The following MEF2B variants were observed in gnomAD, a reference collection of about 807,000 sequenced individuals.
MEF2B encodes the protein myocyte enhancer factor 2B.
In MEF2B, 15 loss-of-function variants were observed where a neutral mutation model predicts 32.2. The observed-to-expected ratio is 0.47, with a 90% CI of 0.31 to 0.72. The LOEUF is 0.72. MEF2B is among the 30% of genes least tolerant of loss of function. The pLI is 0.05. For missense variants in MEF2B, 441 were observed against 511.5 expected (o/e 0.86, Z 1.33); for synonymous variants, 205 against 225.6 (o/e 0.91, Z 0.82).
chr19:19,146,199 G>A, intron 8 of MEF2B, 74 bp downstream of exon 8: 1 of 859,156 alleles, frequency 1.2e-6, no homozygotes, highest in Non-Finnish European at 1.7e-6. Flanking sequence ...CGCAGTACCA[G>A]GGATGGCCAC....
chr19:19,168,106 G>A (rs1212965596), intron 1 of MEF2B, among the ~76,000 whole-genome samples: 1 of 152,160 alleles, frequency 6.6e-6, no homozygotes, highest in Non-Finnish European at 1.5e-5. Flanking sequence ...TCACACACTG[G>A]TTCTCCGAAG....
At chr19:19,147,475 A>AGGG (rs1199106327) in intron 4 of MEF2B, among the ~76,000 whole-genome samples, 2 of 151,862 alleles carry the variant, frequency 1.3e-5, no homozygotes, top group Non-Finnish European at 2.9e-5. Flanking sequence ...TCAAAGATGA[A>AGGG]ATGAAGGAAG....
chr19:19,147,960 G>T (rs2079893706), intron 3 of MEF2B, 128 bp from the exon 4 acceptor site: 16 of 1,426,928 alleles, frequency 1.1e-5, no homozygotes, highest in Middle Eastern at 2.3e-4. Context: ...GGCATGGCCT[G>T]CTCTAGCCAA....
intron 1 of MEF2B, among the ~76,000 whole-genome samples, chr19:19,152,387 A>AAAAAAGG: frequency 6.8e-6 from 1 of 146,772 alleles, no homozygotes; most frequent in East Asian, 2.1e-4. Flanking sequence ...TCTCAAAAAA[A>AAAAAAGG]AAAAAGAAAA....
intron 1 of MEF2B, among the ~76,000 whole-genome samples, chr19:19,160,718 G>A (rs879732510): frequency 1.5e-4 from 23 of 152,054 alleles, no homozygotes; most frequent in Non-Finnish European, 3.1e-4. Context: ...CTGCCGCCCC[G>A]CCTCACGCAA....
At chr19:19,164,516 A>G (rs1242226789) in intron 1 of MEF2B, among the ~76,000 whole-genome samples, 1 of 152,226 alleles carries the variant, frequency 6.6e-6, no homozygotes, top group Admixed American at 6.5e-5. Flanking sequence ...CTCACCTGCC[A>G]AGAAGGCCTG....
chr19:19,157,701 A>G (rs947358910), intron 1 of MEF2B, among the ~76,000 whole-genome samples: 6 of 152,214 alleles, frequency 3.9e-5, no homozygotes, highest in African/African-American at 9.6e-5. Context: ...TACAAAAATT[A>G]GCTGGGCGTG....
chr19:19,156,047 C>T (rs1460624197), intron 1 of MEF2B, among the ~76,000 whole-genome samples: 7 of 152,074 alleles, frequency 4.6e-5, no homozygotes, highest in Admixed American at 4.6e-4. Context: ...GACGCAGAGG[C>T]TGGATGGGAG....
At chr19:19,159,501 AG>A (rs35786396) in intron 1 of MEF2B, among the ~76,000 whole-genome samples, 1,679 of 152,126 alleles carry the variant, frequency 0.011, 37 homozygotes, top group African/African-American at 0.038. Flanking sequence ...TGACAGGAAG[AG>A]GCTGGGCCAG....
intron 1 of MEF2B, among the ~76,000 whole-genome samples, chr19:19,166,582 C>A (rs557111792): frequency 1.5e-5 from 2 of 136,802 alleles, no homozygotes; most frequent in African/African-American, 2.8e-5. Flanking sequence ...ATAGGGAGAC[C>A]CCCCCATCTC....
intron 1 of MEF2B, among the ~76,000 whole-genome samples, chr19:19,168,111 C>T (rs1447552359): frequency 6.6e-6 from 1 of 152,204 alleles, no homozygotes; most frequent in Non-Finnish European, 1.5e-5. Flanking sequence ...CACTGGTTCT[C>T]CGAAGTCGAA....
At position 19,146,855 on chromosome 19, in the gene MEF2B, A is replaced by G; in HGVS notation, c.562T>C (p.Ser188Pro). ...GTCTTGCTGGTGAGGTGGCTTGGTG[A>G]GAAGAGAGGGTGCACCAGGCCTGGG... ...GPPGLVHPLF[S>P]PSHLTSKTPP... Residue 188 changes from serine to proline, a missense_variant, in exon 6 of 9, where the codon TCA becomes CCA. Around this residue, in one of 2 missense-constraint regions of MEF2B, gnomAD observed 326 missense variants for 328.4 expected, o/e 0.99. Coordinates refer to ENST00000424583, the MANE Select transcript of MEF2B (RefSeq NM_001145785.2). 6.2e-7 allele frequency: 1 copy of G among 1,613,020 alleles called. No homozygotes were observed. The highest frequency in any genetic ancestry group is 8.5e-7 in the Non-Finnish European group (1 of 1,179,726).
chr19:19,154,011 C>T (rs1354142840), intron 1 of MEF2B, among the ~76,000 whole-genome samples: 1 of 152,080 alleles, frequency 6.6e-6, no homozygotes, highest in Non-Finnish European at 1.5e-5. Flanking sequence ...CCTCACCCTC[C>T]CAAAGTGCTG....
chr19:19,149,534 G>T (rs749144920), intron 2 of MEF2B, 105 bp from the exon 3 acceptor site: 1 of 1,442,626 alleles, frequency 6.9e-7, no homozygotes, highest in Non-Finnish European at 9.5e-7. Flanking sequence ...CATGCCTCAG[G>T]ATTCTTTCTG....
intron 1 of MEF2B, among the ~76,000 whole-genome samples, chr19:19,158,460 A>C (rs1360400742): frequency 2.0e-5 from 3 of 150,556 alleles, no homozygotes; most frequent in Admixed American, 6.6e-5. Context: ...AAAAAAAAAA[A>C]AACAAACTAG....
chr19:19,156,993 A>G (rs7256766), intron 1 of MEF2B: 54,552 of 160,332 alleles, frequency 0.34, 9,324 homozygotes, highest in African/African-American at 0.38. Flanking sequence ...CTACAAAAAA[A>G]GTAAAAATTA....
intron 1 of MEF2B, among the ~76,000 whole-genome samples, chr19:19,154,149 T>A (rs1013407743): frequency 1.3e-5 from 2 of 151,894 alleles, no homozygotes; most frequent in African/African-American, 4.8e-5. Flanking sequence ...CCTATTGTAT[T>A]TTATTTTTTA....
At chr19:19,165,101 G>C (rs1000921377) in intron 1 of MEF2B, among the ~76,000 whole-genome samples, 4 of 152,164 alleles carry the variant, frequency 2.6e-5, no homozygotes, top group African/African-American at 9.7e-5. Context: ...TCTTCCCGCA[G>C]AAATGTCTAG....
At chr19:19,150,173 AGGGAGGGAGG>A (rs2060062973) in intron 2 of MEF2B, among the ~76,000 whole-genome samples, 6 of 85,436 alleles carry the variant, frequency 7.0e-5, no homozygotes, top group Non-Finnish European at 1.3e-4. Flanking sequence ...GGAGGGAAGG[AGGGAGGGAGG>A]GAAGGAAGGA....
Sources: allele counts gnomAD v4.1 joint callset (sites outside exome capture counted in the v4.1 genomes callset), GRCh38; gene constraint gnomAD v4.1.1; regional missense constraint gnomAD v4.1.1; transcripts MANE v1.5; gene names NCBI Gene and HGNC (gene_info 2026-07-23, HGNC 2026-07-21).